Variants in KIZ observed in about 807,000 individuals in gnomAD.
KIZ encodes the protein centrosomal protein kizuna.
Under a neutral mutation model 79.6 loss-of-function variants are expected in KIZ, and 68 were observed. The ratio of observed to expected loss-of-function variants is 0.85; its 90% CI spans 0.70 to 1.05. The LOEUF is 1.05. KIZ is among the 50% of genes least tolerant of loss of function. The pLI, the probability that KIZ is intolerant of heterozygous loss-of-function variation, is 0.00. For missense variants in KIZ, 797 were observed against 800.4 expected (o/e 1.00, Z 0.05); for synonymous variants, 280 against 281.8 (o/e 0.99, Z 0.06).
chr20:21,220,564 A>C (rs370190188), intron 9 of KIZ, among the ~76,000 whole-genome samples: 2 of 152,008 alleles, frequency 1.3e-5, no homozygotes, highest in African/African-American at 4.8e-5. Context: ...GCTCAGTGCA[A>C]CCTCTGCCTC....
chr20:21,147,995 G>GTC lies in KIZ; in HGVS notation c.405+2341_405+2342insTC, dbSNP rs1555874718. Among the ~76,000 whole-genome samples, 53 of 151,118 alleles carry GTC rather than the reference G, an allele frequency of 3.5e-4. No homozygotes were observed. The East Asian group carries it at 9.4e-3, about 27-fold the overall frequency. On this transcript the variant is annotated intron_variant, in intron 4 of 12. Transcript: ENST00000619189. ...TGTGTGTGTGTGTGTGTGTGTGTGT[G>GTC]GCAGCAGATGAAGGAAGGACTTGTG...
intron 2 of KIZ, 138 bp downstream of exon 2, chr20:21,132,297 G>C: frequency 1.8e-6 from 1 of 558,084 alleles, no homozygotes; most frequent in Non-Finnish European, 3.2e-6. Flanking sequence ...TTTTGAGATG[G>C]AGTCTTGCTC....
chr20:21,129,046 G>GA (rs150820212), intron 1 of KIZ, among the ~76,000 whole-genome samples: 2,399 of 152,302 alleles, frequency 0.016, 49 homozygotes, highest in African/African-American at 0.051. Flanking sequence ...CAAAGATTCT[G>GA]AATAGAGATT....
intron 7 of KIZ, among the ~76,000 whole-genome samples, chr20:21,208,667 A>G (rs1290499806): frequency 6.6e-6 from 1 of 151,550 alleles, no homozygotes; most frequent in African/African-American, 2.4e-5. Context: ...GCGCCACTGC[A>G]CTCCAGCCTG....
intron 4 of KIZ, among the ~76,000 whole-genome samples, chr20:21,160,476 T>TTC (rs150313632): frequency 6.6e-6 from 1 of 151,486 alleles, no homozygotes; most frequent in Non-Finnish European, 1.5e-5. Context: ...CGGGTCCCTT[T>TTC]TCTCTCTCTC....
chr20:21,224,542 C>A (rs1488426561), intron 9 of KIZ, among the ~76,000 whole-genome samples: 1 of 152,208 alleles, frequency 6.6e-6, no homozygotes, highest in Non-Finnish European at 1.5e-5. Context: ...ATAGAAATAG[C>A]AGTTATCCTT....
intron 6 of KIZ, among the ~76,000 whole-genome samples, chr20:21,172,104 A>C (rs958067184): frequency 1.3e-5 from 2 of 152,194 alleles, no homozygotes; most frequent in Non-Finnish European, 2.9e-5. Context: ...CATGAGATGT[A>C]ATGACTTGGT....
intron 7 of KIZ, among the ~76,000 whole-genome samples, chr20:21,206,877 G>A (rs1434182540): frequency 6.6e-6 from 1 of 152,170 alleles, no homozygotes; most frequent in Admixed American, 6.5e-5. Context: ...AATGGAAATG[G>A]ATGGAGCAAG....
At chr20:21,127,544 A>G (rs1013390998) in intron 1 of KIZ, among the ~76,000 whole-genome samples, 3 of 152,256 alleles carry the variant, frequency 2.0e-5, no homozygotes, top group Admixed American at 6.5e-5. Context: ...TGTTGAAAAT[A>G]TATAAGGAAT....
At chr20:21,168,710 G>A (rs1222023679) in intron 6 of KIZ, among the ~76,000 whole-genome samples, 1 of 152,256 alleles carries the variant, frequency 6.6e-6, no homozygotes, top group Non-Finnish European at 1.5e-5. Context: ...AACCAAAACA[G>A]CATGGTACTG....
chr20:21,188,644 T>TA (rs2034983664), intron 6 of KIZ, among the ~76,000 whole-genome samples: 1 of 151,684 alleles, frequency 6.6e-6, no homozygotes, highest in Non-Finnish European at 1.5e-5. Context: ...GCTGGCTCCA[T>TA]AATAAGCCCT....
chr20:21,186,581 A>G lies in KIZ; in HGVS notation c.1353-18910A>G, dbSNP rs143196367. Among the ~76,000 whole-genome samples the G allele has an allele frequency of 5.3e-3, 799 of 149,528 alleles. 5 individuals are homozygous for G. The highest frequency in any genetic ancestry group is 8.0e-3 in the Non-Finnish European group (543 of 67,676). ...CATTTTATTATCTTCTAGTAGGCAA[A>G]CTAGATAGCAGATGCCAAAGCTTTA... On this transcript the variant is annotated intron_variant, in intron 6 of 12. Transcript: ENST00000619189.
intron 6 of KIZ, among the ~76,000 whole-genome samples, chr20:21,167,443 A>T (rs1369762046): frequency 6.6e-6 from 1 of 152,022 alleles, no homozygotes; most frequent in Non-Finnish European, 1.5e-5. Context: ...GCATTTTCAC[A>T]CTCAGGTAAG....
chr20:21,181,134 C>G (rs2034638197), intron 6 of KIZ, among the ~76,000 whole-genome samples: 1 of 152,180 alleles, frequency 6.6e-6, no homozygotes. Context: ...GCAAGCATGG[C>G]CCGTATCTGG....
intron 4 of KIZ, among the ~76,000 whole-genome samples, chr20:21,147,882 G>C (rs2032924318): frequency 6.6e-6 from 1 of 151,954 alleles, no homozygotes; most frequent in South Asian, 2.1e-4. Context: ...GGTAGAAAAT[G>C]AGCTTGGAAA....
chr20:21,242,963 C>T (rs2037269666), intron 11 of KIZ, among the ~76,000 whole-genome samples: 1 of 152,108 alleles, frequency 6.6e-6, no homozygotes, highest in Non-Finnish European at 1.5e-5. Context: ...TTTTATAATC[C>T]ACCCTCCCCT....
chr20:21,217,248 T>A (rs573288594), intron 9 of KIZ, among the ~76,000 whole-genome samples: 1 of 152,330 alleles, frequency 6.6e-6, no homozygotes, highest in Non-Finnish European at 1.5e-5. Flanking sequence ...ATGAAATTCA[T>A]GTTTGAGAGC....
chr20:21,132,617 G>T (rs1208371750), intron 2 of KIZ, among the ~76,000 whole-genome samples: 1 of 151,164 alleles, frequency 6.6e-6, no homozygotes, highest in Non-Finnish European at 1.5e-5. Flanking sequence ...TATTTTTAGT[G>T]TGTAATAATT....
intron 9 of KIZ, among the ~76,000 whole-genome samples, chr20:21,225,413 G>T (rs910276072): frequency 1.3e-5 from 2 of 152,122 alleles, no homozygotes. Flanking sequence ...CTTTACTAAT[G>T]GGGGGAAGTG....
Sources: allele counts gnomAD v4.1 joint callset (sites outside exome capture counted in the v4.1 genomes callset), GRCh38; gene constraint gnomAD v4.1.1; transcripts MANE v1.5; gene names NCBI Gene and HGNC (gene_info 2026-07-23, HGNC 2026-07-21).